The following CASQ2 variants were observed in gnomAD, a reference collection of about 807,000 sequenced individuals.
CASQ2 encodes the protein calsequestrin-2.
A neutral mutation model predicts 46.5 loss-of-function variants in CASQ2; 49 were observed. That is an observed-to-expected ratio of 1.05 (90% CI 0.84 to 1.34). The LOEUF (loss-of-function observed/expected upper bound fraction) is 1.34, where lower values mean the gene tolerates loss of function less well. Among genes scored for constraint, CASQ2 ranks in the 40% most tolerant of loss-of-function variants. The pLI is 0.00. For synonymous variants in CASQ2, 174 were observed against 168.5 expected (o/e 1.03, Z -0.25); for missense variants, 486 against 481.3 (o/e 1.01, Z -0.09).
chr1:115,704,809 G>A (rs1654308648), intron 9 of CASQ2, among the ~76,000 whole-genome samples: 1 of 152,156 alleles, frequency 6.6e-6, no homozygotes, highest in South Asian at 2.1e-4. Context: ...GTTCATCTCT[G>A]ATTTTTATTA....
At chr1:115,717,689 A>G in intron 8 of CASQ2, 151 bp downstream of exon 8, 1 of 751,742 alleles carries the variant, frequency 1.3e-6, no homozygotes, top group Non-Finnish European at 2.4e-6. Flanking sequence ...TTGAAAACGA[A>G]CTCATACTTA....
intron 9 of CASQ2, among the ~76,000 whole-genome samples, chr1:115,704,429 A>T (rs12734646): frequency 0.2 from 29,846 of 152,096 alleles, 3,042 homozygotes; most frequent in South Asian, 0.27. Context: ...AGGGATTATA[A>T]TAGTACCTAC....
At chr1:115,721,957 G>T (rs907752530) in intron 7 of CASQ2, among the ~76,000 whole-genome samples, 1 of 152,176 alleles carries the variant, frequency 6.6e-6, no homozygotes, top group African/African-American at 2.4e-5. Flanking sequence ...CCACAGGGAT[G>T]GCACTCTTTA....
intron 8 of CASQ2, among the ~76,000 whole-genome samples, chr1:115,717,536 C>A (rs1232233480): frequency 6.6e-6 from 1 of 152,188 alleles, no homozygotes; most frequent in Admixed American, 6.5e-5. Flanking sequence ...CATTTGGCAG[C>A]CTTGCGATTA....
Sources: gnomAD v4.1 joint callset for allele counts (sites outside exome capture counted in the v4.1 genomes callset) on GRCh38, gnomAD v4.1.1 for gene constraint, MANE v1.5 for transcripts, NCBI Gene and HGNC (gene_info 2026-07-23, HGNC 2026-07-21) for gene names.